TMEM215: variants seen among roughly 807,000 people sequenced by gnomAD.
TMEM215 encodes the protein transmembrane protein 215.
Under a neutral mutation model 14.7 loss-of-function variants are expected in TMEM215, and 12 were observed. The observed-to-expected ratio is 0.82, with a 90% CI of 0.52 to 1.33. TMEM215 has a LOEUF of 1.33. TMEM215 is among the 40% of genes most tolerant of loss of function. The pLI, the probability that TMEM215 is intolerant of heterozygous loss-of-function variation, is 0.00. For missense variants in TMEM215, 276 were observed against 296.2 expected (o/e 0.93, Z 0.50); for synonymous variants, 122 against 124.8 (o/e 0.98, Z 0.15).
Position 32,784,260 on chromosome 9 carries a change from T to G in TMEM215, c.77T>G (p.Met26Arg). The change falls in exon 2 of 2, where the codon ATG becomes AGG. Residue 26 changes from methionine to arginine, a missense_variant. Physicochemically the swap from Met to Arg is moderately conservative, Grantham distance 91. Coordinates refer to ENST00000342743, the MANE Select transcript of TMEM215 (RefSeq NM_212558.3). ...AGTGTCTTCCTCGTCTTTGGTTTCA[T>G]GTTCACCGTCTCTGGGATGAAAGGG... ...LVSVFLVFGF[M>R]FTVSGMKGET... 6.2e-7 allele frequency: 1 copy of G among 1,614,198 alleles called. No homozygotes were observed. Among genetic ancestry groups the G allele is most frequent in the Non-Finnish European group, 8.5e-7 (1 of 1,180,030 alleles).
In TMEM215 at chr9:32,784,278, T is replaced by C. The variant is rs770362265; in HGVS notation, c.95T>C (p.Met32Thr). ...GGTTTCATGTTCACCGTCTCTGGGA[T>C]GAAAGGGGAGACTTTGGGAAACATC... is the stretch of plus-strand genomic sequence containing the variant. ...VFGFMFTVSG[M>T]KGETLGNIPL... The change falls in exon 2 of 2, where the codon ATG becomes ACG. Residue 32 changes from methionine (M) to threonine (T), a missense_variant. Met to Thr is a moderately conservative substitution (Grantham distance 81). Transcript: ENST00000342743. 1.2e-6 allele frequency: 2 copies of C among 1,613,986 alleles called. No homozygotes were observed. Among genetic ancestry groups the C allele is most frequent in the African/African-American group, 2.7e-5 (2 of 74,900 alleles).
rs773976073 is a variant in TMEM215 at position 32,784,165 on chromosome 9, A to T, written c.-19A>T. 2 of 1,599,076 alleles carry T rather than the reference A, an allele frequency of 1.3e-6. No homozygotes were observed. The highest frequency in any genetic ancestry group is 1.1e-5 in the South Asian group (1 of 88,610). ...GCTCCCTGGTCAGCAAGCAGCCCCC[A>T]ACCTGGATGGAGTGAAACATGCGGC... On this transcript the variant is annotated 5_prime_UTR_variant, in exon 2 of 2. Transcript: ENST00000342743.
chr9:32,784,339 A>G lies in TMEM215; in HGVS notation c.156A>G (p.Pro52=). 1 of 1,614,232 alleles carries G rather than the reference A, an allele frequency of 6.2e-7. No homozygotes were observed. The highest frequency in any genetic ancestry group is 1.1e-5 in the South Asian group (1 of 91,086). ...CCATCGGGCCAGCCATCTGCCTACCAGGCATCGCAGCCATTGCCCTGGCCA... is the reference window on the plus strand; with the variant it reads ...CCATCGGGCCAGCCATCTGCCTACCGGGCATCGCAGCCATTGCCCTGGCCA... ...LLAIGPAICL[P]GIAAIALARK... is the part of the protein sequence containing the mutation. The change falls in exon 2 of 2, where the codon CCA becomes CCG. Residue 52 remains proline, a synonymous_variant. Coordinates refer to ENST00000342743, the MANE Select transcript of TMEM215 (RefSeq NM_212558.3).
chr9:32,783,963 CAGAG>C (rs200143166), intron 1 of TMEM215, among the ~76,000 whole-genome samples, 158 bp downstream of exon 1: 3 of 152,018 alleles, frequency 2.0e-5, no homozygotes, highest in African/African-American at 4.8e-5. Flanking sequence ...AAGAGAAACG[CAGAG>C]AGAGAGATAG....
chr9:32,786,691 A>G lies in TMEM215; in HGVS notation c.*1800A>G, dbSNP rs1026569051. 1 of 167,026 alleles carries G rather than the reference A, an allele frequency of 6.0e-6. No individual in the cohort carries two copies. Among genetic ancestry groups the G allele is most frequent in the African/African-American group, 2.4e-5 (1 of 41,474 alleles). 10.3% of individuals were successfully genotyped at this position (167,026 alleles called of 1,614,324 possible). A position where few individuals can be genotyped will look rare whatever the true frequency, so the allele number is the denominator to read the frequency against. On this transcript the variant is annotated 3_prime_UTR_variant, in exon 2 of 2. Coordinates refer to ENST00000342743, the MANE Select transcript of TMEM215 (RefSeq NM_212558.3). ...TTATGAAATTTATGATAATTATGTG[A>G]CATACATTGCACAGCTACTACTCAA...
Position 32,786,568 on chromosome 9 carries a change from T to G in TMEM215, c.*1677T>G, listed in dbSNP as rs1441255365. 6.0e-6 allele frequency: 1 copy of G among 166,988 alleles called. No individual in the cohort carries two copies. The highest frequency in any genetic ancestry group is 1.5e-5 in the Non-Finnish European group (1 of 68,034). 10.3% of individuals were successfully genotyped at this position (166,988 alleles called of 1,614,324 possible). A position where few individuals can be genotyped will look rare whatever the true frequency, so the allele number is the denominator to read the frequency against. ...GGGGAACTGATTTACACTTGATTATTTCTATCATTCATTTTCAGTGTAAAT... is the reference window on the plus strand; with the variant it reads ...GGGGAACTGATTTACACTTGATTATGTCTATCATTCATTTTCAGTGTAAAT... On this transcript the variant is annotated 3_prime_UTR_variant, in exon 2 of 2. Coordinates refer to ENST00000342743, the MANE Select transcript of TMEM215 (RefSeq NM_212558.3).
chr9:32,784,807 C>T lies in TMEM215; in HGVS notation c.624C>T (p.Ser208=), dbSNP rs2118240986. 6.2e-7 allele frequency: 1 copy of T among 1,613,654 alleles called. No homozygotes were observed. The highest frequency in any genetic ancestry group is 2.2e-5 in the East Asian group (1 of 44,870). Residue 208 remains serine (S), a synonymous_variant, in exon 2 of 2, where the codon TCC becomes TCT. Transcript: ENST00000342743. ...CCCAGGACAGTATCATCGTTTGCTC[C>T]TACAAGCAGAACAGCCCGTATGACA... is the stretch of plus-strand genomic sequence containing the variant. ...FVPQDSIIVC[S]YKQNSPYDRY... is the part of the protein sequence containing the mutation.
At position 32,785,476 on chromosome 9, in the gene TMEM215, G is replaced by A. The variant is rs929099669; in HGVS notation, c.*585G>A. The A allele has an allele frequency of 6.0e-6, 1 of 167,192 alleles. No homozygotes were observed. The highest frequency in any genetic ancestry group is 2.4e-5 in the African/African-American group (1 of 41,452). 10.4% of individuals were successfully genotyped at this position (167,192 alleles called of 1,614,324 possible). On this transcript the variant is annotated 3_prime_UTR_variant, in exon 2 of 2. Coordinates refer to ENST00000342743, the MANE Select transcript of TMEM215 (RefSeq NM_212558.3). ...AAAGAGAGTTGGATTATGTAACTGA[G>A]TCTTGTGGCATTATTGTCTGACAAG...
intron 1 of TMEM215, 122 bp downstream of exon 1, chr9:32,783,927 T>G: frequency 5.9e-5 from 26 of 439,242 alleles, no homozygotes; most frequent in East Asian, 1.9e-4. Context: ...AGAGAAAGAG[T>G]AGAAATAGAA....
rs753743280 is a variant in TMEM215, at chr9:32,784,324, A to C, written c.141A>C (p.Pro47=). Residue 47 remains proline, a synonymous_variant, in exon 2 of 2, where the codon CCA becomes CCC. Transcript: ENST00000342743. ...LGNIPLLAIG[P]AICLPGIAAI... ...ACATCCCCCTCCTGGCCATCGGGCC[A>C]GCCATCTGCCTACCAGGCATCGCAG... 11 of 1,614,240 alleles carry C rather than the reference A, an allele frequency of 6.8e-6. No individual in the cohort carries two copies. The highest frequency in any genetic ancestry group is 6.8e-6 in the Non-Finnish European group (8 of 1,180,034).
Position 32,786,307 on chromosome 9 carries a change from A to G in TMEM215, c.*1416A>G, listed in dbSNP as rs1393120897. 1 of 167,020 alleles carries G rather than the reference A, an allele frequency of 6.0e-6. No individual in the cohort carries two copies. Among genetic ancestry groups the G allele is most frequent in the East Asian group, 1.9e-4 (1 of 5,208 alleles). 10.3% of individuals were successfully genotyped at this position (167,020 alleles called of 1,614,324 possible). ...CTCCCAAAAGGGGAATTGAGGACAAAAATTTGGGCATATATGTTTTGTGTA... is the reference window on the plus strand; with the variant it reads ...CTCCCAAAAGGGGAATTGAGGACAAGAATTTGGGCATATATGTTTTGTGTA... On this transcript the variant is annotated 3_prime_UTR_variant, in exon 2 of 2. Transcript: ENST00000342743.
In TMEM215 at chr9:32,788,216, C is replaced by A. The variant is rs1413983078; in HGVS notation, c.*3325C>A. On this transcript the variant is annotated 3_prime_UTR_variant, in exon 2 of 2. Transcript: ENST00000342743. ...TATTTATTAATAGCCTCCCTCTGTA[C>A]CCATAACATCATTTATTTGGTGAAT... 2.6e-5 allele frequency among the ~76,000 whole-genome samples: 4 copies of A among 152,148 alleles called. No homozygotes were observed. Among genetic ancestry groups the A allele is most frequent in the Admixed American group, 2.6e-4 (4 of 15,278 alleles).
In TMEM215 at chr9:32,783,549, G is replaced by C. The variant is rs1209211064; in HGVS notation, c.-315G>C. 6.5e-6 allele frequency: 1 copy of C among 153,334 alleles called. No homozygotes were observed. 9.5% of individuals were successfully genotyped at this position (153,334 alleles called of 1,614,324 possible). Reference sequence around the variant, plus strand: ...GCGTCCCCTCTTTCCCAGACTCAGTGCTCCCTCCTCCTCCCGCGCCCCGCG... The same window carrying C: ...GCGTCCCCTCTTTCCCAGACTCAGTCCTCCCTCCTCCTCCCGCGCCCCGCG... On this transcript the variant is annotated 5_prime_UTR_variant, in exon 1 of 2. Coordinates refer to ENST00000342743, the MANE Select transcript of TMEM215 (RefSeq NM_212558.3).
Position 32,784,552 on chromosome 9 carries a change from A to G in TMEM215, c.369A>G (p.Pro123=). The G allele has an allele frequency of 1.2e-6, 2 of 1,613,862 alleles. No individual in the cohort carries two copies. The highest frequency in any genetic ancestry group is 2.2e-5 in the East Asian group (1 of 44,842). Residue 123 remains proline (P), a synonymous_variant, in exon 2 of 2, where the codon CCA becomes CCG. Coordinates refer to ENST00000342743, the MANE Select transcript of TMEM215 (RefSeq NM_212558.3). The part of the protein sequence containing the change: ...KKAGLRGKPP[P]QSQGEVSVAS... ...CGGGCCTCAGGGGGAAGCCTCCCCC[A>G]CAAAGCCAGGGTGAGGTGTCCGTGG...
Position 32,788,231 on chromosome 9 carries a change from A to G in TMEM215, c.*3340A>G, listed in dbSNP as rs1824529048. Among the ~76,000 whole-genome samples the G allele has an allele frequency of 6.6e-6, 1 of 152,144 alleles. No individual in the cohort carries two copies. On this transcript the variant is annotated 3_prime_UTR_variant, in exon 2 of 2. Transcript: ENST00000342743. Reference sequence around the variant, plus strand: ...TCCCTCTGTACCCATAACATCATTTATTTGGTGAATTCACTGTTATTAATA... The same window carrying G: ...TCCCTCTGTACCCATAACATCATTTGTTTGGTGAATTCACTGTTATTAATA...
rs977847110 is a variant in TMEM215, at chr9:32,788,475, G to T, written c.*3584G>T. Among the ~76,000 whole-genome samples, 5 of 152,132 alleles carry T rather than the reference G, an allele frequency of 3.3e-5. No homozygotes were observed. The highest frequency in any genetic ancestry group is 1.3e-4 in the Admixed American group (2 of 15,278). On this transcript the variant is annotated 3_prime_UTR_variant, in exon 2 of 2. Coordinates refer to ENST00000342743, the MANE Select transcript of TMEM215 (RefSeq NM_212558.3). Reference sequence around the variant, plus strand: ...GTAGTATTTCTAATTATCAATGAACGATTGTGTAATATGCCATTTTAGTGA... The same window carrying T: ...GTAGTATTTCTAATTATCAATGAACTATTGTGTAATATGCCATTTTAGTGA...
rs779873930 is a variant in TMEM215 at position 32,784,637 on chromosome 9, A to C, written c.454A>C (p.Asn152His). The change falls in exon 2 of 2, where the codon AAT becomes CAT. Residue 152 changes from asparagine to histidine, a missense_variant. By Grantham distance (68) the Asn-to-His change is moderately conservative. Transcript: ENST00000342743. Reference protein sequence around the residue: ...EEGECQSLVQNGHQEETSRYL... With the variant: ...EEGECQSLVQHGHQEETSRYL... ...AGGAGAATGCCAGAGCCTCGTCCAG[A>C]ATGGGCATCAGGAGGAGACGTCCAG... is the stretch of plus-strand genomic sequence containing the variant. The C allele has an allele frequency of 1.9e-6, 3 of 1,613,826 alleles. No individual in the cohort carries two copies. Among genetic ancestry groups the C allele is most frequent in the Non-Finnish European group, 2.5e-6 (3 of 1,179,906 alleles).
rs1179838878 is a variant in TMEM215, at chr9:32,784,535, AG to A, written c.357del (p.Lys120SerfsTer126). The A allele has an allele frequency of 6.2e-7, 1 of 1,613,956 alleles. No individual in the cohort carries two copies. Among genetic ancestry groups the A allele is most frequent in the Non-Finnish European group, 8.5e-7 (1 of 1,180,014 alleles). ...SDELAKKAGL[R>X]GKPPPQSQGE... ...TGAGCTGGCTAAGAAGGCGGGCCTC[AG>A]GGGGAAGCCTCCCCCACAAAGCCAG... On this transcript the variant is annotated frameshift_variant, in exon 2 of 2. Coordinates refer to ENST00000342743, the MANE Select transcript of TMEM215 (RefSeq NM_212558.3). LOFTEE classifies it high-confidence loss of function.
rs1477505769 is a variant in TMEM215 at position 32,786,902 on chromosome 9, T to G, written c.*2011T>G. The G allele has an allele frequency of 1.2e-5, 2 of 167,010 alleles. No homozygotes were observed. The highest frequency in any genetic ancestry group is 2.4e-5 in the African/African-American group (1 of 41,462). 10.3% of individuals were successfully genotyped at this position (167,010 alleles called of 1,614,324 possible). On this transcript the variant is annotated 3_prime_UTR_variant, in exon 2 of 2. Coordinates refer to ENST00000342743, the MANE Select transcript of TMEM215 (RefSeq NM_212558.3). ...CATTTGGATTTGGGATGGGGAGAGATAGTTTCCTAAAATCACAGTAACTTT... is the reference window on the plus strand; with the variant it reads ...CATTTGGATTTGGGATGGGGAGAGAGAGTTTCCTAAAATCACAGTAACTTT...
Sources: gnomAD v4.1 joint callset for allele counts (sites outside exome capture counted in the v4.1 genomes callset) on GRCh38, gnomAD v4.1.1 for gene constraint, MANE v1.5 for transcripts, NCBI Gene and HGNC (gene_info 2026-07-23, HGNC 2026-07-21) for gene names.